The following TTC29 variants were observed in gnomAD, a reference collection of about 807,000 sequenced individuals.
The protein encoded by TTC29 is tetratricopeptide repeat protein 29.
A neutral mutation model predicts 58.1 loss-of-function variants in TTC29; 49 were observed. The ratio of observed to expected loss-of-function variants is 0.84; its 90% CI spans 0.67 to 1.07. The LOEUF (loss-of-function observed/expected upper bound fraction) is 1.07, where lower values mean the gene tolerates loss of function less well. Among genes scored for constraint, TTC29 ranks in the 50% least tolerant of loss-of-function variants. The pLI is 0.00. For missense variants in TTC29, 582 were observed against 555.6 expected (o/e 1.05, Z -0.48); for synonymous variants, 209 against 196.8 (o/e 1.06, Z -0.52).
In TTC29 at chr4:146,844,941, A is replaced by G. The variant is rs138360119; in HGVS notation, c.886-11044T>C. Among the ~76,000 whole-genome samples the G allele has an allele frequency of 3.0e-4, 46 of 152,286 alleles. 1 individual carries two copies. Among genetic ancestry groups the G allele is most frequent in the Non-Finnish European group, 5.3e-4 (36 of 68,024 alleles). ...GACATAAAGGAACAGCAAGAGACCAACTGACTCGTGTCAGCAGAGTGAATT... is the reference window on the plus strand; with the variant it reads ...GACATAAAGGAACAGCAAGAGACCAGCTGACTCGTGTCAGCAGAGTGAATT... On this transcript the variant is annotated intron_variant, in intron 8 of 12. Transcript: ENST00000325106.
intron 9 of TTC29, among the ~76,000 whole-genome samples, chr4:146,830,175 T>A (rs1728065911): frequency 6.6e-6 from 1 of 152,214 alleles, no homozygotes; most frequent in Non-Finnish European, 1.5e-5. Flanking sequence ...AGGGGAAGAA[T>A]GATATTATAA....
In TTC29 at chr4:146,945,835, GC is replaced by G. The variant is rs895106635; in HGVS notation, c.-181del. On this transcript the variant is annotated 5_prime_UTR_variant, in exon 1 of 13. Coordinates refer to ENST00000325106, the MANE Select transcript of TTC29 (RefSeq NM_031956.4). ...CTCAGTGATTCCGAAGCCTGGCTCC[GC>G]CGGAGCGGAGACAGGGGACGCCGAG... is the stretch of plus-strand genomic sequence containing the variant. 2.0e-5 allele frequency: 3 copies of G among 152,308 alleles called. No individual in the cohort carries two copies. The highest frequency in any genetic ancestry group is 4.4e-5 in the Non-Finnish European group (3 of 68,128). The allele number at this position is 152,308 out of a possible 1,614,324, so 9.4% of individuals were successfully genotyped here. A position where few individuals can be genotyped will look rare whatever the true frequency, so the allele number is the denominator to read the frequency against.
chr4:146,870,032 G>A (rs769271937), intron 7 of TTC29, among the ~76,000 whole-genome samples: 6 of 152,090 alleles, frequency 3.9e-5, no homozygotes, highest in Non-Finnish European at 8.8e-5. Flanking sequence ...ATGTGGTAAG[G>A]TGTATGCTGA....
intron 11 of TTC29, among the ~76,000 whole-genome samples, chr4:146,796,202 A>C (rs1287041107): frequency 2.0e-5 from 3 of 152,228 alleles, no homozygotes; most frequent in African/African-American, 7.2e-5. Context: ...AATCTAAAAG[A>C]AGTGTTGAAA....
At chr4:146,898,574 A>G (rs1732929157) in intron 6 of TTC29, among the ~76,000 whole-genome samples, 1 of 152,224 alleles carries the variant, frequency 6.6e-6, no homozygotes, top group Non-Finnish European at 1.5e-5. Flanking sequence ...AGGGTCTTCC[A>G]AACCGGAAAA....
chr4:146,937,546 C>G (rs201052095), intron 4 of TTC29, 48 bp downstream of exon 4: 2 of 1,215,138 alleles, frequency 1.6e-6, no homozygotes, highest in African/African-American at 3.1e-5. Context: ...AGAATCAAGA[C>G]AAAAGAAACA....
intron 9 of TTC29, among the ~76,000 whole-genome samples, chr4:146,830,019 T>C (rs1728056008): frequency 1.3e-5 from 2 of 152,300 alleles, no homozygotes; most frequent in African/African-American, 4.8e-5. Context: ...AAACTGTCTG[T>C]CTGTATGATA....
chr4:146,773,195 T>C (rs2150076456), intron 11 of TTC29, among the ~76,000 whole-genome samples: 2 of 152,232 alleles, frequency 1.3e-5, no homozygotes, highest in Middle Eastern at 3.4e-3. Context: ...TTTTTCTATT[T>C]GGATGAATTT....
At position 146,836,739 on chromosome 4, in the gene TTC29, G is replaced by A. The variant is rs529618437; in HGVS notation, c.886-2842C>T. On this transcript the variant is annotated intron_variant, in intron 8 of 12. Coordinates refer to ENST00000325106, the MANE Select transcript of TTC29 (RefSeq NM_031956.4). ...CATGCATGTTGCCAACATGCATATG[G>A]AAAAAAGCTCAATATCAGTGATCAT... 1.1e-4 allele frequency among the ~76,000 whole-genome samples: 17 copies of A among 152,062 alleles called. No individual in the cohort carries two copies. In the South Asian group the frequency reaches 3.3e-3, roughly 30 times the overall value.
At chr4:146,707,346 T>G in intron 12 of TTC29, 139 bp downstream of exon 12, 1 of 789,642 alleles carries the variant, frequency 1.3e-6, no homozygotes. Flanking sequence ...TCTGTGATTT[T>G]TTTTAAAGCA....
intron 9 of TTC29, among the ~76,000 whole-genome samples, chr4:146,832,738 C>T (rs1728250801): frequency 6.6e-6 from 1 of 152,058 alleles, no homozygotes; most frequent in South Asian, 2.1e-4. Context: ...GTGATCTGCT[C>T]ACCTCGGCCT....
At chr4:146,907,080 T>C (rs1479590658) in intron 5 of TTC29, among the ~76,000 whole-genome samples, 8 of 152,168 alleles carry the variant, frequency 5.3e-5, no homozygotes, top group Admixed American at 2.0e-4. Flanking sequence ...TGAGATCACA[T>C]CACTGTACTC....
At chr4:146,757,975 C>T (rs1400891914) in intron 11 of TTC29, among the ~76,000 whole-genome samples, 1 of 151,580 alleles carries the variant, frequency 6.6e-6, no homozygotes, top group East Asian at 1.9e-4. Context: ...ACAATGAATG[C>T]AACAGTACCT....
At chr4:146,875,210 A>G (rs1227527863) in intron 6 of TTC29, among the ~76,000 whole-genome samples, 1 of 152,174 alleles carries the variant, frequency 6.6e-6, no homozygotes, top group African/African-American at 2.4e-5. Context: ...GGCCAGCAAT[A>G]TTTATTAATA....
intron 11 of TTC29, among the ~76,000 whole-genome samples, chr4:146,777,335 C>G (rs1282680898): frequency 6.6e-6 from 1 of 151,952 alleles, no homozygotes; most frequent in African/African-American, 2.4e-5. Flanking sequence ...ACTCATCTGC[C>G]AGATGCCAGA....
At chr4:146,906,124 C>T (rs1733505293) in intron 5 of TTC29, among the ~76,000 whole-genome samples, 1 of 151,712 alleles carries the variant, frequency 6.6e-6, no homozygotes, top group African/African-American at 2.4e-5. Flanking sequence ...TCAGATGTCA[C>T]AGATGGCACA....
At position 146,903,538 on chromosome 4, in the gene TTC29, A is replaced by G. The variant is rs1733300231; in HGVS notation, c.586+6T>C. 1 of 1,594,022 alleles carries G rather than the reference A, an allele frequency of 6.3e-7. No individual in the cohort carries two copies. Among genetic ancestry groups the G allele is most frequent in the Non-Finnish European group, 8.5e-7 (1 of 1,169,756 alleles). ...ACCCAAGGCATCCTGGCAAATGCCCACTCACCATCTTCCTCGTAGAGAAGA... is the reference window on the plus strand; with the variant it reads ...ACCCAAGGCATCCTGGCAAATGCCCGCTCACCATCTTCCTCGTAGAGAAGA... On this transcript the variant is annotated splice_donor_region_variant and intron_variant, in intron 6 of 12. Transcript: ENST00000325106.
intron 4 of TTC29, among the ~76,000 whole-genome samples, chr4:146,935,691 GT>G (rs773456454): frequency 6.6e-6 from 1 of 152,144 alleles, no homozygotes; most frequent in Non-Finnish European, 1.5e-5. Flanking sequence ...TCAAATAGAT[GT>G]TAAGGCTCCA....
At chr4:146,874,974 G>T in intron 6 of TTC29, 46 bp from the exon 7 acceptor site, 1 of 1,508,716 alleles carries the variant, frequency 6.6e-7, no homozygotes, top group South Asian at 1.2e-5. Context: ...AGGACGGAAC[G>T]TATTTTCAGA....
Sources: gnomAD v4.1 joint callset for allele counts (sites outside exome capture counted in the v4.1 genomes callset) on GRCh38, gnomAD v4.1.1 for gene constraint, MANE v1.5 for transcripts, NCBI Gene and HGNC (gene_info 2026-07-23, HGNC 2026-07-21) for gene names.